Variants in PDZRN3 observed in about 807,000 individuals in gnomAD.
PDZRN3 encodes the protein PDZ domain containing ring finger 3.
A neutral mutation model predicts 85.7 loss-of-function variants in PDZRN3; 38 were observed. That is an observed-to-expected ratio of 0.44 (90% confidence interval 0.34 to 0.58). The LOEUF is 0.58. Among genes scored for constraint, PDZRN3 ranks in the 20% least tolerant of loss-of-function variants. The pLI, the probability that PDZRN3 is intolerant of heterozygous loss-of-function variation, is 0.01. For missense variants in PDZRN3, 1,629 were observed against 1,506.4 expected (o/e 1.08, Z -1.35); for synonymous variants, 759 against 638.0 (o/e 1.19, Z -2.86).
At chr3:73,522,252 T>C (rs1704386204) in intron 3 of PDZRN3, among the ~76,000 whole-genome samples, 1 of 152,176 alleles carries the variant, frequency 6.6e-6, no homozygotes, top group Admixed American at 6.5e-5. Context: ...ACAGTAACAC[T>C]AAATGTGGAG....
intron 3 of PDZRN3, chr3:73,433,610 C>T: frequency 6.8e-7 from 1 of 1,466,618 alleles, no homozygotes; most frequent in Non-Finnish European, 9.2e-7. Context: ...TGCCTATGCA[C>T]TTCTATGGAA....
At chr3:73,609,121 G>T (rs1265187051) in intron 1 of PDZRN3, among the ~76,000 whole-genome samples, 1 of 152,110 alleles carries the variant, frequency 6.6e-6, no homozygotes, top group Non-Finnish European at 1.5e-5. Flanking sequence ...AAGTGTGAGT[G>T]CATGCATGGC....
intron 3 of PDZRN3, among the ~76,000 whole-genome samples, chr3:73,589,837 A>C (rs1464302683): frequency 2.6e-5 from 4 of 152,232 alleles, no homozygotes; most frequent in Non-Finnish European, 5.9e-5. Flanking sequence ...CTCATGAGTT[A>C]CTAACGTGAA....
intron 3 of PDZRN3, among the ~76,000 whole-genome samples, chr3:73,492,703 T>C (rs575884421): frequency 6.6e-6 from 1 of 152,294 alleles, no homozygotes; most frequent in East Asian, 1.9e-4. Flanking sequence ...GAAAGGGCTC[T>C]GCTGTTCCAT....
chr3:73,542,337 C>G (rs1388784385), intron 3 of PDZRN3, among the ~76,000 whole-genome samples: 1 of 152,200 alleles, frequency 6.6e-6, no homozygotes, highest in Non-Finnish European at 1.5e-5. Context: ...GCAACGGCCC[C>G]ACAATCACAC....
At position 73,624,805 on chromosome 3, in the gene PDZRN3, G is replaced by A. The variant is rs1702944641; in HGVS notation, c.21C>T (p.Arg7=). 3 of 1,390,152 alleles carry A rather than the reference G, an allele frequency of 2.2e-6. No homozygotes were observed. In the South Asian group the frequency reaches 5.2e-5, roughly 24 times the overall value. 86.1% of individuals were successfully genotyped at this position (1,390,152 alleles called of 1,614,324 possible). A position where few individuals can be genotyped will look rare whatever the true frequency, so the allele number is the denominator to read the frequency against. The change falls in exon 1 of 10, where the codon CGC becomes CGT. Residue 7 remains arginine, a synonymous_variant. Coordinates refer to ENST00000263666, the MANE Select transcript of PDZRN3 (RefSeq NM_015009.3). MGFELD[R]FDGDVDPDLK... is the part of the protein sequence containing the mutation. ...GGTCCGGGTCCACGTCGCCGTCGAA[G>A]CGGTCCAGCTCGAAGCCCATGGTGG...
At chr3:73,387,841 G>C (rs1312321487) in intron 8 of PDZRN3, 127 bp downstream of exon 8, 1 of 608,214 alleles carries the variant, frequency 1.6e-6, no homozygotes, top group African/African-American at 1.8e-5. Context: ...CAGCAAGTTT[G>C]ATTACATTTC....
chr3:73,452,422 T>C (rs1651410502), intron 3 of PDZRN3, among the ~76,000 whole-genome samples: 1 of 152,236 alleles, frequency 6.6e-6, no homozygotes, highest in South Asian at 2.1e-4. Flanking sequence ...CAGAGAGTTC[T>C]CCAAAACTGG....
intron 3 of PDZRN3, among the ~76,000 whole-genome samples, chr3:73,546,325 C>T (rs1228115790): frequency 1.3e-5 from 2 of 152,154 alleles, no homozygotes; most frequent in Non-Finnish European, 2.9e-5. Flanking sequence ...GGAGGCAACA[C>T]AAAACGAAGA....
intron 3 of PDZRN3, among the ~76,000 whole-genome samples, chr3:73,493,088 G>C (rs915104737): frequency 1.4e-5 from 2 of 146,824 alleles, no homozygotes; most frequent in African/African-American, 2.5e-5. Flanking sequence ...GGGTATGTCC[G>C]GGCCCCCATC....
At chr3:73,386,559 C>T (rs1199752881) in intron 8 of PDZRN3, among the ~76,000 whole-genome samples, 1 of 152,192 alleles carries the variant, frequency 6.6e-6, no homozygotes, top group Admixed American at 6.5e-5. Flanking sequence ...CAGAAGTTGG[C>T]ACTCTATAGC....
At chr3:73,470,402 A>G (rs1239921116) in intron 3 of PDZRN3, among the ~76,000 whole-genome samples, 2 of 152,194 alleles carry the variant, frequency 1.3e-5, no homozygotes, top group African/African-American at 4.8e-5. Flanking sequence ...AGTCTGTGCT[A>G]TGTGCTAAGT....
At chr3:73,435,489 G>A (rs531519221) in intron 3 of PDZRN3, among the ~76,000 whole-genome samples, 9 of 152,278 alleles carry the variant, frequency 5.9e-5, no homozygotes, top group African/African-American at 1.9e-4. Flanking sequence ...TAAATAATAG[G>A]TATGATGCTA....
chr3:73,479,336 G>C (rs534952052), intron 3 of PDZRN3, among the ~76,000 whole-genome samples: 37 of 152,086 alleles, frequency 2.4e-4, no homozygotes, highest in African/African-American at 8.0e-4. Flanking sequence ...ATGACCACAA[G>C]GGTCTCTCTG....
At chr3:73,418,837 G>C (rs1702142850) in intron 3 of PDZRN3, among the ~76,000 whole-genome samples, 1 of 152,166 alleles carries the variant, frequency 6.6e-6, no homozygotes, top group Non-Finnish European at 1.5e-5. Flanking sequence ...CGTTCACCTG[G>C]AGAAAGTTTG....
intron 3 of PDZRN3, among the ~76,000 whole-genome samples, chr3:73,468,799 C>T (rs1014268622): frequency 1.1e-4 from 16 of 152,118 alleles, no homozygotes; most frequent in African/African-American, 2.9e-4. Flanking sequence ...TGGATTTAAC[C>T]CTGGCTCTGC....
chr3:73,624,076 A>G, intron 1 of PDZRN3, 27 bp downstream of exon 1: 1 of 1,415,130 alleles, frequency 7.1e-7, no homozygotes, highest in Non-Finnish European at 9.1e-7. Flanking sequence ...TCCTGGCTGG[A>G]GGTCGGGGCG....
In PDZRN3 at chr3:73,599,270, A is replaced by G. The variant is rs1012256781; in HGVS notation, c.918+3084T>C. 2.0e-5 allele frequency among the ~76,000 whole-genome samples: 3 copies of G among 152,358 alleles called. No individual in the cohort carries two copies. In the East Asian group the frequency reaches 5.8e-4, roughly 29 times the overall value. ...ACAACAGAATGTTATTTAGCCTTAA[A>G]GAGGAAGAAAATTATAACATGCTAC... On this transcript the variant is annotated intron_variant, in intron 3 of 9. Transcript: ENST00000263666.
chr3:73,406,753 T>TA (rs1481991834), intron 3 of PDZRN3, among the ~76,000 whole-genome samples: 1 of 152,258 alleles, frequency 6.6e-6, no homozygotes, highest in East Asian at 1.9e-4. Flanking sequence ...GGGATTTTCT[T>TA]ACTATGGCAT....
Sources: gnomAD v4.1 joint callset for allele counts (sites outside exome capture counted in the v4.1 genomes callset) on GRCh38, gnomAD v4.1.1 for gene constraint, MANE v1.5 for transcripts, NCBI Gene and HGNC (gene_info 2026-07-23, HGNC 2026-07-21) for gene names.